MYRIP: variants seen among roughly 807,000 people sequenced by gnomAD.
MYRIP encodes the protein rab effector MyRIP.
Under a neutral mutation model 98.0 loss-of-function variants are expected in MYRIP, and 49 were observed. The observed-to-expected ratio is 0.50, with a 90% CI of 0.40 to 0.63. The LOEUF is 0.63. Among genes scored for constraint, MYRIP ranks in the 30% least tolerant of loss-of-function variants. MYRIP has a pLI of 0.00. For missense variants in MYRIP, 1,004 were observed against 1,058.2 expected (o/e 0.95, Z 0.71); for synonymous variants, 404 against 409.5 (o/e 0.99, Z 0.16).
intron 1 of MYRIP, among the ~76,000 whole-genome samples, chr3:39,892,876 T>A (rs1342534402): frequency 6.6e-6 from 1 of 152,186 alleles, no homozygotes; most frequent in African/African-American, 2.4e-5. Context: ...TCTCACATAA[T>A]GTCTCATGGG....
intron 2 of MYRIP, among the ~76,000 whole-genome samples, chr3:39,999,694 A>G (rs1357019379): frequency 6.6e-6 from 1 of 152,244 alleles, no homozygotes; most frequent in Non-Finnish European, 1.5e-5. Context: ...CTAAAGGATT[A>G]TAAAACATGC....
chr3:40,171,821 A>T (rs1950622658), intron 8 of MYRIP, among the ~76,000 whole-genome samples: 1 of 152,260 alleles, frequency 6.6e-6, no homozygotes, highest in South Asian at 2.1e-4. Context: ...GTTTGTTCTC[A>T]TGCTGCTAAT....
At chr3:39,947,052 T>A (rs907791473) in intron 2 of MYRIP, among the ~76,000 whole-genome samples, 3 of 152,166 alleles carry the variant, frequency 2.0e-5, no homozygotes, top group Non-Finnish European at 2.9e-5. Flanking sequence ...CAATATTATA[T>A]GGTTAAGATA....
intron 3 of MYRIP, among the ~76,000 whole-genome samples, chr3:40,134,612 GC>G (rs1949721588): frequency 6.6e-6 from 1 of 152,222 alleles, no homozygotes; most frequent in Non-Finnish European, 1.5e-5. Context: ...CCCCCGAGTA[GC>G]CTAACTGGGA....
intron 2 of MYRIP, among the ~76,000 whole-genome samples, chr3:40,015,650 A>G (rs1255710479): frequency 1.3e-5 from 2 of 152,232 alleles, no homozygotes; most frequent in Non-Finnish European, 2.9e-5. Flanking sequence ...CTTAGCCAGG[A>G]CAGCCAGGCA....
At chr3:40,098,650 T>C (rs1948876508) in intron 3 of MYRIP, among the ~76,000 whole-genome samples, 1 of 151,998 alleles carries the variant, frequency 6.6e-6, no homozygotes, top group African/African-American at 2.4e-5. Flanking sequence ...CCTGATCAAA[T>C]ATTCTGTCCC....
chr3:39,828,128 T>G (rs1941328588), intron 1 of MYRIP, among the ~76,000 whole-genome samples: 1 of 152,124 alleles, frequency 6.6e-6, no homozygotes, highest in African/African-American at 2.4e-5. Context: ...TCTATCTGTC[T>G]TCTAGGAACT....
intron 2 of MYRIP, among the ~76,000 whole-genome samples, chr3:40,009,298 G>A (rs1484454619): frequency 4.0e-5 from 6 of 150,470 alleles, no homozygotes; most frequent in South Asian, 2.1e-4. Context: ...GTGCAGTGGT[G>A]TGATCTCGGC....
At chr3:39,983,904 G>T (rs1015884932) in intron 2 of MYRIP, among the ~76,000 whole-genome samples, 6 of 152,172 alleles carry the variant, frequency 3.9e-5, no homozygotes, top group African/African-American at 7.2e-5. Flanking sequence ...TAACTAGTGA[G>T]CTTCCTTTTT....
At chr3:40,162,889 C>A in intron 5 of MYRIP, 79 bp downstream of exon 5, 15 of 1,308,196 alleles carry the variant, frequency 1.1e-5, no homozygotes, top group South Asian at 2.4e-5. Flanking sequence ...CTGCCAGGGT[C>A]CCCCAGATGC....
At chr3:39,857,080 G>A (rs1942320408) in intron 1 of MYRIP, among the ~76,000 whole-genome samples, 1 of 152,040 alleles carries the variant, frequency 6.6e-6, no homozygotes, top group Non-Finnish European at 1.5e-5. Context: ...AGGCATGGTG[G>A]TGTATGCCTA....
chr3:39,864,929 A>G (rs1942578539), intron 1 of MYRIP, among the ~76,000 whole-genome samples: 1 of 152,216 alleles, frequency 6.6e-6, no homozygotes, highest in Non-Finnish European at 1.5e-5. Flanking sequence ...TAACCAAAAC[A>G]GTACAGTGCT....
chr3:40,095,543 G>C (rs762711798), intron 3 of MYRIP, among the ~76,000 whole-genome samples: 7 of 152,256 alleles, frequency 4.6e-5, no homozygotes, highest in South Asian at 2.1e-4. Context: ...GGTAGTCATG[G>C]GGGGAGAATT....
chr3:39,917,548 T>C (rs963462020), intron 2 of MYRIP, among the ~76,000 whole-genome samples: 1 of 151,730 alleles, frequency 6.6e-6, no homozygotes, highest in East Asian at 1.9e-4. Context: ...CTGAGTCACA[T>C]AACATGTAGT....
intron 2 of MYRIP, among the ~76,000 whole-genome samples, chr3:39,914,298 C>G (rs1400743941): frequency 6.6e-6 from 1 of 152,140 alleles, no homozygotes; most frequent in Non-Finnish European, 1.5e-5. Context: ...AATATGCATA[C>G]AGACAGCAGA....
At chr3:40,074,814 A>G (rs1016654884) in intron 3 of MYRIP, among the ~76,000 whole-genome samples, 4 of 152,214 alleles carry the variant, frequency 2.6e-5, no homozygotes, top group African/African-American at 9.6e-5. Flanking sequence ...GACCTTAACA[A>G]ACACCTTACC....
intron 3 of MYRIP, among the ~76,000 whole-genome samples, chr3:40,131,553 A>G (rs1182939145): frequency 6.6e-6 from 1 of 152,228 alleles, no homozygotes; most frequent in Non-Finnish European, 1.5e-5. Flanking sequence ...AGGCCTTCAT[A>G]ATACACTTTA....
intron 1 of MYRIP, among the ~76,000 whole-genome samples, chr3:39,826,518 G>T (rs1286966719): frequency 1.3e-5 from 2 of 152,014 alleles, no homozygotes; most frequent in Non-Finnish European, 2.9e-5. Flanking sequence ...GTCAGATAAT[G>T]TATTTAATAT....
rs1433546019 is a variant in MYRIP at position 40,151,037 on chromosome 3, G to A, written c.333-11G>A. ...TTCTAATTTTGTGTTGTCTAATTCT[G>A]TTTTCCTCAGGCTTCTGAGGGCCCA... On this transcript the variant is annotated splice_polypyrimidine_tract_variant and intron_variant, in intron 3 of 16. Transcript: ENST00000302541. The A allele has an allele frequency of 3.8e-6, 6 of 1,561,628 alleles. No individual in the cohort carries two copies. In the East Asian group the frequency reaches 9.2e-5, roughly 24 times the overall value.
Sources: gnomAD v4.1 joint callset for allele counts (sites outside exome capture counted in the v4.1 genomes callset) on GRCh38, gnomAD v4.1.1 for gene constraint, MANE v1.5 for transcripts, NCBI Gene and HGNC (gene_info 2026-07-23, HGNC 2026-07-21) for gene names.